The following ARHGAP10 variants were observed in gnomAD, a reference collection of about 807,000 sequenced individuals.
ARHGAP10 encodes the protein Rho GTPase activating protein 10, also known as rho GTPase-activating protein 10.
ARHGAP10 carries 87 observed loss-of-function variants against 108.6 expected under a neutral mutation model. That is an observed-to-expected ratio of 0.80 (90% CI 0.67 to 0.96). The LOEUF is 0.96. Ranked by LOEUF, ARHGAP10 falls within the 40% of genes least tolerant of loss-of-function variation. The pLI, the probability that ARHGAP10 is intolerant of heterozygous loss-of-function variation, is 0.00. For missense variants in ARHGAP10, 939 were observed against 954.5 expected (o/e 0.98, Z 0.21); for synonymous variants, 347 against 341.1 (o/e 1.02, Z -0.19).
chr4:147,776,186 T>G (rs1730281677), intron 1 of ARHGAP10, among the ~76,000 whole-genome samples: 1 of 152,308 alleles, frequency 6.6e-6, no homozygotes, highest in South Asian at 2.1e-4. Flanking sequence ...TACAACCTAC[T>G]GCTAATGAGG....
At chr4:147,782,913 A>G (rs1730596887) in intron 1 of ARHGAP10, among the ~76,000 whole-genome samples, 1 of 143,338 alleles carries the variant, frequency 7.0e-6, no homozygotes, top group East Asian at 2.0e-4. Context: ...TATATATAAT[A>G]TATAAATTAT....
At chr4:147,762,655 A>G (rs1419038457) in intron 1 of ARHGAP10, among the ~76,000 whole-genome samples, 4 of 151,370 alleles carry the variant, frequency 2.6e-5, no homozygotes, top group African/African-American at 7.3e-5. Context: ...TCAGCCTCCC[A>G]AGTAGCTGGG....
chr4:147,924,798 C>T (rs887371370), intron 13 of ARHGAP10, among the ~76,000 whole-genome samples: 1 of 152,156 alleles, frequency 6.6e-6, no homozygotes, highest in East Asian at 1.9e-4. Flanking sequence ...AGGATCAGAT[C>T]TCCTTCATGG....
intron 16 of ARHGAP10, among the ~76,000 whole-genome samples, chr4:147,960,370 A>G (rs1438849552): frequency 6.6e-6 from 1 of 152,172 alleles, no homozygotes; most frequent in African/African-American, 2.4e-5. Flanking sequence ...CTCATTCTCA[A>G]ATACTATTAT....
At chr4:147,867,971 C>G (rs1734637864) in intron 7 of ARHGAP10, among the ~76,000 whole-genome samples, 1 of 145,304 alleles carries the variant, frequency 6.9e-6, no homozygotes, top group African/African-American at 2.6e-5. Context: ...AGGAGTGTAG[C>G]TGATAAAACC....
chr4:147,903,547 G>T (rs1736336912), intron 10 of ARHGAP10, among the ~76,000 whole-genome samples: 1 of 152,166 alleles, frequency 6.6e-6, no homozygotes, highest in Non-Finnish European at 1.5e-5. Flanking sequence ...TGTACTGAAT[G>T]TATCCATCAT....
chr4:147,922,282 G>T (rs543778158), intron 13 of ARHGAP10, among the ~76,000 whole-genome samples: 4 of 152,164 alleles, frequency 2.6e-5, no homozygotes, highest in African/African-American at 7.2e-5. Context: ...TCTGCTGAAG[G>T]GTTGCCTTGC....
chr4:147,895,726 C>G (rs377075004), intron 10 of ARHGAP10, among the ~76,000 whole-genome samples: 5 of 151,336 alleles, frequency 3.3e-5, no homozygotes. Context: ...CCTTTCCAAT[C>G]TGTATGCTTT....
intron 16 of ARHGAP10, among the ~76,000 whole-genome samples, chr4:147,959,179 T>A (rs1738894899): frequency 6.6e-6 from 1 of 152,110 alleles, no homozygotes; most frequent in Admixed American, 6.5e-5. Flanking sequence ...GCTCTGATGA[T>A]TAATGTCAAA....
chr4:148,051,520 C>G (rs1245780837), intron 20 of ARHGAP10, among the ~76,000 whole-genome samples: 1 of 152,146 alleles, frequency 6.6e-6, no homozygotes, highest in East Asian at 1.9e-4. Context: ...AAAGGAACAC[C>G]TCCTTTTCTG....
At chr4:147,900,596 T>C (rs1172620551) in intron 10 of ARHGAP10, among the ~76,000 whole-genome samples, 5 of 152,138 alleles carry the variant, frequency 3.3e-5, no homozygotes, top group Admixed American at 3.3e-4. Flanking sequence ...TGTAGTGTGG[T>C]TTAAGTGAAT....
chr4:148,060,995 G>A (rs1008472556), intron 20 of ARHGAP10, among the ~76,000 whole-genome samples: 4 of 152,044 alleles, frequency 2.6e-5, no homozygotes, highest in African/African-American at 4.8e-5. Context: ...TTTCTGTTGC[G>A]TATCTGTCAT....
chr4:147,928,499 A>G (rs1044527666), intron 13 of ARHGAP10, among the ~76,000 whole-genome samples: 3 of 152,242 alleles, frequency 2.0e-5, no homozygotes, highest in Admixed American at 6.5e-5. Flanking sequence ...GCGTTTACAC[A>G]AAGAGTAGGA....
chr4:148,050,590 G>T (rs773498211), intron 20 of ARHGAP10, among the ~76,000 whole-genome samples: 20 of 151,508 alleles, frequency 1.3e-4, no homozygotes, highest in Non-Finnish European at 2.5e-4. Flanking sequence ...AGCCAGGATG[G>T]TCTCGATCTC....
At chr4:147,819,640 C>T (rs999610875) in intron 1 of ARHGAP10, among the ~76,000 whole-genome samples, 10 of 152,020 alleles carry the variant, frequency 6.6e-5, no homozygotes, top group South Asian at 2.1e-4. Flanking sequence ...CTTCGCCTCC[C>T]GGGTTCCTCC....
chr4:148,006,701 T>A (rs1478000466), intron 18 of ARHGAP10, among the ~76,000 whole-genome samples: 1 of 152,240 alleles, frequency 6.6e-6, no homozygotes, highest in Non-Finnish European at 1.5e-5. Context: ...AAAGATTATG[T>A]GTTTAAAGAA....
chr4:147,965,761 A>G (rs1739180917), intron 17 of ARHGAP10, among the ~76,000 whole-genome samples: 2 of 152,348 alleles, frequency 1.3e-5, no homozygotes, highest in South Asian at 4.1e-4. Flanking sequence ...TATTTAGTGA[A>G]TGCCTTTCTT....
At chr4:147,820,976 T>G (rs1386614114) in intron 1 of ARHGAP10, among the ~76,000 whole-genome samples, 2 of 152,216 alleles carry the variant, frequency 1.3e-5, no homozygotes, top group Non-Finnish European at 2.9e-5. Context: ...ATGGCTAAAA[T>G]AGCAGCCATT....
chr4:147,864,761 C>T (rs769802108), intron 5 of ARHGAP10, 85 bp from the exon 6 acceptor site: 203 of 1,177,258 alleles, frequency 1.7e-4, no homozygotes, highest in Non-Finnish European at 2.3e-4. Flanking sequence ...TATTTTGGCC[C>T]ATGGACCACA....
Sources: gnomAD v4.1 joint callset for allele counts (sites outside exome capture counted in the v4.1 genomes callset) on GRCh38, gnomAD v4.1.1 for gene constraint, MANE v1.5 for transcripts, NCBI Gene and HGNC (gene_info 2026-07-23, HGNC 2026-07-21) for gene names.